CNTN4: variants seen among roughly 807,000 people sequenced by gnomAD.
CNTN4 encodes the protein contactin 4, also known as contactin-4.
CNTN4 carries 77 observed loss-of-function variants against 122.5 expected under a neutral mutation model. The observed-to-expected ratio is 0.63, with a 90% CI of 0.52 to 0.76. CNTN4 has a LOEUF of 0.76. Among genes scored for constraint, CNTN4 ranks in the 30% least tolerant of loss-of-function variants. The pLI, the probability that CNTN4 is intolerant of heterozygous loss-of-function variation, is 0.00. For synonymous variants in CNTN4, 512 were observed against 447.0 expected (o/e 1.15, Z -1.83); for missense variants, 1,256 against 1,259.1 (o/e 1.00, Z 0.04).
At chr3:2,691,619 A>G (rs754011422) in intron 4 of CNTN4, among the ~76,000 whole-genome samples, 2 of 152,180 alleles carry the variant, frequency 1.3e-5, no homozygotes, top group African/African-American at 2.4e-5. Context: ...TTGCACAATA[A>G]TATTTCATCA....
chr3:2,256,857 A>G (rs2040612444), intron 2 of CNTN4, among the ~76,000 whole-genome samples: 1 of 152,210 alleles, frequency 6.6e-6, no homozygotes, highest in Admixed American at 6.5e-5. Context: ...GAAAATGGCC[A>G]TAAGGTAAAA....
At chr3:2,963,016 C>A (rs1184932328) in intron 13 of CNTN4, among the ~76,000 whole-genome samples, 1 of 152,084 alleles carries the variant, frequency 6.6e-6, no homozygotes, top group African/African-American at 2.4e-5. Flanking sequence ...GGGGTTATCC[C>A]CTCCCGCATT....
chr3:2,217,183 A>T (rs114533715), intron 2 of CNTN4, among the ~76,000 whole-genome samples: 24 of 152,218 alleles, frequency 1.6e-4, no homozygotes, highest in African/African-American at 5.5e-4. Flanking sequence ...CTTTTCTGTG[A>T]CATGAGTCTT....
intron 3 of CNTN4, among the ~76,000 whole-genome samples, chr3:2,483,819 A>T (rs566042776): frequency 1.3e-5 from 2 of 152,256 alleles, no homozygotes; most frequent in South Asian, 4.1e-4. Flanking sequence ...TTTTTTCTTT[A>T]TAAAATACCC....
At chr3:2,170,261 A>C (rs112978351) in intron 2 of CNTN4, among the ~76,000 whole-genome samples, 3 of 151,844 alleles carry the variant, frequency 2.0e-5, no homozygotes, top group South Asian at 2.1e-4. Context: ...CGGAGCTTGC[A>C]GTGAGCCGAG....
intron 5 of CNTN4, among the ~76,000 whole-genome samples, chr3:2,738,920 T>C (rs2089297995): frequency 6.6e-6 from 1 of 152,064 alleles, no homozygotes; most frequent in Non-Finnish European, 1.5e-5. Flanking sequence ...TATTGAAAAC[T>C]TATGTTCAAT....
chr3:2,923,571 T>C (rs1175998870), intron 12 of CNTN4, among the ~76,000 whole-genome samples: 2 of 152,312 alleles, frequency 1.3e-5, no homozygotes, highest in East Asian at 3.9e-4. Context: ...ACATTCTTCC[T>C]GTTGGTGCAG....
intron 7 of CNTN4, among the ~76,000 whole-genome samples, chr3:2,858,979 C>T (rs1267867057): frequency 2.0e-5 from 3 of 152,166 alleles, no homozygotes; most frequent in African/African-American, 7.2e-5. Flanking sequence ...CTATACTCAC[C>T]ATGTTGTACA....
chr3:2,308,847 A>G (rs570353360), intron 2 of CNTN4, among the ~76,000 whole-genome samples: 1 of 152,074 alleles, frequency 6.6e-6, no homozygotes, highest in Non-Finnish European at 1.5e-5. Flanking sequence ...TCTAAAATGT[A>G]GGAAAAATGT....
intron 6 of CNTN4, among the ~76,000 whole-genome samples, chr3:2,783,241 C>T (rs896878854): frequency 6.6e-6 from 1 of 151,918 alleles, no homozygotes; most frequent in African/African-American, 2.4e-5. Flanking sequence ...GTGAGCCATA[C>T]CATGTCACTG....
chr3:2,749,220 G>A (rs537769016), intron 6 of CNTN4, among the ~76,000 whole-genome samples: 11 of 152,082 alleles, frequency 7.2e-5, no homozygotes, highest in Non-Finnish European at 1.5e-4. Flanking sequence ...CTGGAGTGCA[G>A]TGGTGCGACC....
intron 13 of CNTN4, among the ~76,000 whole-genome samples, chr3:2,949,030 C>T (rs1207242006): frequency 1.3e-5 from 2 of 152,092 alleles, no homozygotes. Flanking sequence ...AGCCAGGCCC[C>T]TACTTATCTC....
At chr3:2,785,114 T>TACAC (rs150765167) in intron 6 of CNTN4, among the ~76,000 whole-genome samples, 40,130 of 137,960 alleles carry the variant, frequency 0.29, 5,730 homozygotes, top group East Asian at 0.5. Flanking sequence ...TGTACATGCG[T>TACAC]ACACACACAC....
intron 13 of CNTN4, among the ~76,000 whole-genome samples, chr3:2,937,297 C>A (rs2094575498): frequency 1.3e-5 from 2 of 152,142 alleles, no homozygotes; most frequent in South Asian, 4.1e-4. Flanking sequence ...CAACTTTTGC[C>A]AGGAAGAACT....
At position 2,863,501 on chromosome 3, in the gene CNTN4, A is replaced by G. The variant is rs1166137592; in HGVS notation, c.455-3251A>G. 2.6e-5 allele frequency among the ~76,000 whole-genome samples: 3 copies of G among 115,060 alleles called. No individual in the cohort carries two copies. The East Asian group carries it at 6.7e-4, about 26-fold the overall frequency. 75.5% of individuals were successfully genotyped at this position (115,060 alleles called of 152,430 possible). A position where few individuals can be genotyped will look rare whatever the true frequency, so the allele number is the denominator to read the frequency against. ...ATGGTTACGCTGTTATATTGTTATT[A>G]CAATTGGGGAAACATTACAACTTTA... On this transcript the variant is annotated intron_variant, in intron 7 of 24. Coordinates refer to ENST00000418658, the MANE Select transcript of CNTN4 (RefSeq NM_175607.3).
intron 13 of CNTN4, among the ~76,000 whole-genome samples, chr3:2,951,849 T>G (rs528244943): frequency 6.6e-6 from 1 of 152,350 alleles, no homozygotes; most frequent in South Asian, 2.1e-4. Flanking sequence ...AAGTTTTGTT[T>G]TGGATTGCCA....
At chr3:2,969,247 T>G (rs564206736) in intron 13 of CNTN4, among the ~76,000 whole-genome samples, 62 of 152,188 alleles carry the variant, frequency 4.1e-4, no homozygotes, top group Non-Finnish European at 7.6e-4. Flanking sequence ...GCGGATTATC[T>G]ACCACCTTAG....
At chr3:2,297,711 G>C (rs1234435351) in intron 2 of CNTN4, among the ~76,000 whole-genome samples, 5 of 151,920 alleles carry the variant, frequency 3.3e-5, no homozygotes, top group South Asian at 2.1e-4. Flanking sequence ...TGTGTGTTTT[G>C]TTTGTTTGTT....
chr3:2,294,491 C>T (rs1051135988), intron 2 of CNTN4, among the ~76,000 whole-genome samples: 1 of 151,886 alleles, frequency 6.6e-6, no homozygotes, highest in Non-Finnish European at 1.5e-5. Context: ...AATTGCTGGG[C>T]ATGGTGGCAG....
Sources: gnomAD v4.1 joint callset for allele counts (sites outside exome capture counted in the v4.1 genomes callset) on GRCh38, gnomAD v4.1.1 for gene constraint, MANE v1.5 for transcripts, NCBI Gene and HGNC (gene_info 2026-07-23, HGNC 2026-07-21) for gene names.